Variants in IGF2BP3 observed in about 807,000 individuals in gnomAD.
The protein encoded by IGF2BP3 is insulin like growth factor 2 mRNA binding protein 3, also known as insulin-like growth factor 2 mRNA-binding protein 3.
IGF2BP3 carries 9 observed loss-of-function variants against 73.8 expected under a neutral mutation model. That is an observed-to-expected ratio of 0.12 (90% confidence interval 0.07 to 0.21). The LOEUF (loss-of-function observed/expected upper bound fraction) is 0.21. Among genes scored for constraint, IGF2BP3 ranks in the 10% least tolerant of loss-of-function variants. The probability of loss-of-function intolerance (pLI) is 1.00; values close to 1 mark genes in which losing one functional copy is unlikely to be tolerated. For missense variants in IGF2BP3, 542 were observed against 714.0 expected (o/e 0.76, Z 2.75); for synonymous variants, 258 against 256.7 (o/e 1.01, Z -0.05).
intron 3 of IGF2BP3, among the ~76,000 whole-genome samples, chr7:23,393,640 A>G (rs187468399): frequency 2.0e-4 from 30 of 152,352 alleles, no homozygotes; most frequent in Admixed American, 3.3e-4. Context: ...TGCTCTCTTC[A>G]CACATTGGGA....
In IGF2BP3 at chr7:23,377,108, TA is replaced by T. The variant is rs574747906; in HGVS notation, c.286-15368del. Among the ~76,000 whole-genome samples, 386 of 147,760 alleles carry T rather than the reference TA, an allele frequency of 2.6e-3. 1 individual carries two copies. The highest frequency in any genetic ancestry group is 4.4e-3 in the Admixed American group (65 of 14,802). The stretch of plus-strand genomic sequence containing the variant: ...ATTACATAATGTTTATGACAAAATT[TA>T]AAAAAAAAACTGTGCTAAAAAGAAA... On this transcript the variant is annotated intron_variant, in intron 3 of 14. Coordinates refer to ENST00000258729, the MANE Select transcript of IGF2BP3 (RefSeq NM_006547.3).
chr7:23,334,162 C>T (rs1008913988), intron 10 of IGF2BP3, among the ~76,000 whole-genome samples: 4 of 151,952 alleles, frequency 2.6e-5, no homozygotes, highest in South Asian at 4.2e-4. Context: ...ATGATGAAAC[C>T]CCATCTCTAC....
intron 5 of IGF2BP3, among the ~76,000 whole-genome samples, chr7:23,361,022 C>T (rs1785212063): frequency 6.6e-6 from 1 of 152,136 alleles, no homozygotes; most frequent in Admixed American, 6.6e-5. Context: ...GTTTACTGCA[C>T]TGGAATATAT....
At chr7:23,360,279 A>C (rs571056762) in intron 5 of IGF2BP3, among the ~76,000 whole-genome samples, 2 of 152,350 alleles carry the variant, frequency 1.3e-5, no homozygotes, top group South Asian at 4.1e-4. Context: ...CATAACTGCA[A>C]GAGACTGGAA....
chr7:23,396,077 A>G (rs950116703), intron 3 of IGF2BP3, among the ~76,000 whole-genome samples: 2 of 149,652 alleles, frequency 1.3e-5, no homozygotes, highest in African/African-American at 5.0e-5. Flanking sequence ...AACCCATTAC[A>G]GAGTTGAAAA....
rs190205318 is a variant in IGF2BP3, at chr7:23,446,816, C to T, written c.236+21666G>A. Among the ~76,000 whole-genome samples, 768 of 152,244 alleles carry T rather than the reference C, an allele frequency of 5.0e-3. 6 individuals are homozygous for T. The highest frequency in any genetic ancestry group is 0.018 in the African/African-American group (731 of 41,536). ...CTACTTAACCAATTGGTCAAAGTTA[C>T]CACCACTACTGAAACAAAAATCAAC... On this transcript the variant is annotated intron_variant, in intron 2 of 14. Transcript: ENST00000258729.
chr7:23,460,469 T>A (rs1405712488), intron 2 of IGF2BP3, among the ~76,000 whole-genome samples: 1 of 149,718 alleles, frequency 6.7e-6, no homozygotes, highest in Non-Finnish European at 1.5e-5. Flanking sequence ...GAGGCAGAGG[T>A]TGCAAGTGAG....
At chr7:23,396,096 A>G (rs548482709) in intron 3 of IGF2BP3, among the ~76,000 whole-genome samples, 59 of 150,750 alleles carry the variant, frequency 3.9e-4, no homozygotes, top group Non-Finnish European at 7.1e-4. Flanking sequence ...AAAATTCCCA[A>G]CCAATACACT....
intron 12 of IGF2BP3, among the ~76,000 whole-genome samples, chr7:23,314,931 T>C (rs1253655979): frequency 1.3e-5 from 2 of 151,894 alleles, no homozygotes; most frequent in South Asian, 2.1e-4. Context: ...CCAAACTAGC[T>C]GGGATTACAG....
chr7:23,410,910 C>T (rs2128530993), intron 3 of IGF2BP3, among the ~76,000 whole-genome samples: 1 of 152,290 alleles, frequency 6.6e-6, no homozygotes, highest in East Asian at 1.9e-4. Context: ...CTCTCTGTAC[C>T]ACCACTGCCT....
chr7:23,463,394 A>C (rs764914251), intron 2 of IGF2BP3, among the ~76,000 whole-genome samples: 1 of 152,172 alleles, frequency 6.6e-6, no homozygotes, highest in Non-Finnish European at 1.5e-5. Context: ...TGCTAACTGC[A>C]TGAAAGAGGT....
chr7:23,321,443 T>C (rs1009833791), intron 10 of IGF2BP3, among the ~76,000 whole-genome samples: 1 of 152,188 alleles, frequency 6.6e-6, no homozygotes, highest in Non-Finnish European at 1.5e-5. Context: ...GTCTCGCTGA[T>C]TGCTAGCACA....
In IGF2BP3 at chr7:23,347,983, C is replaced by T. The variant is rs1784874331; in HGVS notation, c.684-249G>A. Among the ~76,000 whole-genome samples the T allele has an allele frequency of 3.3e-5, 5 of 152,210 alleles. No individual in the cohort carries two copies. The South Asian group carries it at 1.0e-3, about 31-fold the overall frequency. On this transcript the variant is annotated intron_variant, in intron 6 of 14. Transcript: ENST00000258729. The stretch of plus-strand genomic sequence containing the variant: ...GGGACATCTTTTCATTCTACCCAAG[C>T]TGTTTGTGCTTACAGCTTCCTTTCA...
At chr7:23,373,275 A>G (rs1160376700) in intron 3 of IGF2BP3, among the ~76,000 whole-genome samples, 2 of 152,230 alleles carry the variant, frequency 1.3e-5, no homozygotes, top group Non-Finnish European at 2.9e-5. Context: ...CATTCAAAAT[A>G]GTTCAATGTT....
intron 10 of IGF2BP3, among the ~76,000 whole-genome samples, chr7:23,326,424 C>T (rs1784297676): frequency 6.6e-6 from 1 of 151,848 alleles, no homozygotes; most frequent in Non-Finnish European, 1.5e-5. Flanking sequence ...ACAACAGGTG[C>T]TGGAGAGGAT....
chr7:23,343,792 T>A lies in IGF2BP3; in HGVS notation c.1003A>T (p.Thr335Ser). 1.2e-6 allele frequency: 2 copies of A among 1,613,080 alleles called. No homozygotes were observed. Among genetic ancestry groups the A allele is most frequent in the South Asian group, 1.1e-5 (1 of 91,064 alleles). ...RTITVKGNVETCAKAEEEIMK... is the reference protein window; with the variant it reads ...RTITVKGNVESCAKAEEEIMK... ...ATCTCCTCCTCAGCTTTGGCACATGTCTCAACATTGCCTTTAACTGTAATA... is the reference window on the plus strand; with the variant it reads ...ATCTCCTCCTCAGCTTTGGCACATGACTCAACATTGCCTTTAACTGTAATA... The change falls in exon 9 of 15, where the codon ACA becomes TCA. Residue 335 changes from threonine (T) to serine (S), a missense_variant. Transcript: ENST00000258729.
At chr7:23,418,417 C>G (rs575743667) in intron 3 of IGF2BP3, among the ~76,000 whole-genome samples, 1 of 152,298 alleles carries the variant, frequency 6.6e-6, no homozygotes, top group African/African-American at 2.4e-5. Flanking sequence ...CACAAAATAG[C>G]AGGTATTTGT....
intron 3 of IGF2BP3, among the ~76,000 whole-genome samples, chr7:23,404,096 C>T (rs969900201): frequency 2.7e-5 from 4 of 150,456 alleles, no homozygotes; most frequent in Non-Finnish European, 5.9e-5. Flanking sequence ...GAGTCGTGAT[C>T]GTGCCACCTG....
intron 2 of IGF2BP3, among the ~76,000 whole-genome samples, chr7:23,449,167 GGA>G (rs1788135404): frequency 6.6e-6 from 1 of 151,138 alleles, no homozygotes; most frequent in African/African-American, 2.4e-5. Context: ...AATATGCCAT[GGA>G]ATTGCATAAA....
Sources: allele counts gnomAD v4.1 joint callset (sites outside exome capture counted in the v4.1 genomes callset), GRCh38; gene constraint gnomAD v4.1.1; transcripts MANE v1.5; gene names NCBI Gene and HGNC (gene_info 2026-07-23, HGNC 2026-07-21).